Variants in MYO19 observed in about 807,000 individuals in gnomAD.
MYO19 encodes the protein unconventional myosin-XIX.
In MYO19, 132 loss-of-function variants were observed where a neutral mutation model predicts 129.2. That is an observed-to-expected ratio of 1.02 (90% CI 0.89 to 1.18). The LOEUF (loss-of-function observed/expected upper bound fraction) is 1.18. Ranked by LOEUF, MYO19 falls within the 50% of genes most tolerant of loss-of-function variation. The probability of loss-of-function intolerance (pLI) is 0.00; values close to 1 mark genes in which losing one functional copy is unlikely to be tolerated. For synonymous variants in MYO19, 531 were observed against 477.2 expected, an observed-to-expected ratio of 1.11 and a Z score of -1.47; for missense variants, 1,210 against 1,216.7, an observed-to-expected ratio of 0.99 and a Z score of 0.08.
chr17:36,527,519 C>A, intron 5 of MYO19, 32 bp downstream of exon 5: 2 of 1,604,986 alleles, frequency 1.2e-6, no homozygotes. Flanking sequence ...GGTAGAGGAG[C>A]CCTGAGGCCA....
intron 21 of MYO19, 75 bp downstream of exon 21, chr17:36,503,022 C>T (rs969482316): frequency 1.6e-6 from 2 of 1,288,866 alleles, no homozygotes. Context: ...CAGCCCCTAG[C>T]CCTAAGACAG....
chr17:36,544,257 G>A (rs772176668), upstream of MYO19, among the ~76,000 whole-genome samples: 1 of 152,158 alleles, frequency 6.6e-6, no homozygotes, highest in Non-Finnish European at 1.5e-5. Context: ...CCAGTGTAAC[G>A]ACAACCACAA....
intron 6 of MYO19, among the ~76,000 whole-genome samples, chr17:36,517,405 G>A (rs147074224): frequency 2.0e-5 from 3 of 152,146 alleles, no homozygotes; most frequent in East Asian, 3.9e-4. Flanking sequence ...GACTACAGGC[G>A]CTCGCCACCA....
chr17:36,540,644 A>G (rs960216989), intron 2 of MYO19, among the ~76,000 whole-genome samples: 2 of 152,042 alleles, frequency 1.3e-5, no homozygotes, highest in African/African-American at 2.4e-5. Flanking sequence ...GTGCTGGGAT[A>G]TAGGCATGAG....
At chr17:36,530,623 A>ATT (rs71159612) in intron 3 of MYO19, among the ~76,000 whole-genome samples, 171 of 79,054 alleles carry the variant, frequency 2.2e-3, no homozygotes, top group Admixed American at 4.7e-3. Context: ...TGGCTTTTGT[A>ATT]TTTTTTTTTT....
In MYO19 at chr17:36,503,078, A is replaced by C. The variant is rs1246016206; in HGVS notation, c.2080+19T>G. On this transcript the variant is annotated intron_variant, in intron 21 of 25. Transcript: ENST00000614623. ...TAAACTGTGGTTGCACAAATGACTA[A>C]CTCATGGGTCCCACTCACCAGGGAG... 6.3e-7 allele frequency: 1 copy of C among 1,599,932 alleles called. No homozygotes were observed. Among genetic ancestry groups the C allele is most frequent in the Non-Finnish European group, 8.6e-7 (1 of 1,167,312 alleles).
At chr17:36,521,357 G>C (rs1033543985) in intron 6 of MYO19, among the ~76,000 whole-genome samples, 4 of 152,030 alleles carry the variant, frequency 2.6e-5, no homozygotes, top group Admixed American at 1.3e-4. Flanking sequence ...AAAAAAACTA[G>C]AATGTAGAAT....
Position 36,507,411 on chromosome 17 carries a change from G to A in MYO19, c.1455C>T (p.Ser485=), listed in dbSNP as rs746961327. 6.2e-7 allele frequency: 1 copy of A among 1,613,442 alleles called. No homozygotes were observed. The highest frequency in any genetic ancestry group is 8.5e-7 in the Non-Finnish European group (1 of 1,179,822). The change falls in exon 16 of 26, where the codon TCC becomes TCT. Residue 485 remains serine, a synonymous_variant. Transcript: ENST00000614623. ...LIEGSPISIC[S]LINEECRLNR... ...CTGACCTCCCCACCTCATTTATGAG[G>A]GAGCAGATGCTGATGGGGCTTCCCT...
At chr17:36,537,632 G>A (rs2074160563), upstream of MYO19, 1 of 1,614,138 alleles carries the variant, frequency 6.2e-7, no homozygotes, top group Non-Finnish European at 8.5e-7. Context: ...TTGTTTTTGG[G>A]TCTGCAATGG....
At chr17:36,501,362 T>C (rs1226528154) in intron 21 of MYO19, 127 bp from the exon 22 acceptor site, 1 of 979,214 alleles carries the variant, frequency 1.0e-6, no homozygotes, top group Non-Finnish European at 1.5e-6. Context: ...CTCTAGCCAT[T>C]TTCTCCTTGT....
In MYO19 at chr17:36,515,141, C is replaced by G; in HGVS notation, c.589G>C (p.Gly197Arg). 6.2e-7 allele frequency: 1 copy of G among 1,612,032 alleles called. No individual in the cohort carries two copies. Reference protein sequence around the residue: ...TLRNNNSSRFGKFIQLQLNRA... With the variant: ...TLRNNNSSRFRKFIQLQLNRA... The stretch of plus-strand genomic sequence containing the variant: ...TTCAGCTGGAGCTGGATGAACTTCC[C>G]AAAGCGACTGCTGTTGTTATTCCTC... Residue 197 changes from glycine to arginine, a missense_variant, in exon 8 of 26, where the codon GGG (glycine) becomes CGG (arginine). Gly to Arg is a moderately radical substitution (Grantham distance 125). Transcript: ENST00000614623.
At chr17:36,529,853 A>C (rs1269159716) in intron 3 of MYO19, among the ~76,000 whole-genome samples, 3 of 152,158 alleles carry the variant, frequency 2.0e-5, no homozygotes, top group African/African-American at 4.8e-5. Flanking sequence ...TCCTGACTCT[A>C]TCTCTTACAG....
In MYO19 at chr17:36,525,247, C is replaced by G; in HGVS notation, c.395G>C (p.Gly132Ala). ...TCCTACCTTTCCAGCACCACTCTCT[C>G]CACTGACAACAATAGACTGGTTGAC... ...EPVNQSIVVSGESGAGKTWTS... is the reference protein window; with the variant it reads ...EPVNQSIVVSAESGAGKTWTS... The change falls in exon 6 of 26, where the codon GGA becomes GCA. Residue 132 changes from glycine (G) to alanine (A), a missense_variant. Transcript: ENST00000614623. The G allele has an allele frequency of 1.9e-6, 3 of 1,613,700 alleles. No individual in the cohort carries two copies. Among genetic ancestry groups the G allele is most frequent in the Non-Finnish European group, 2.5e-6 (3 of 1,179,636 alleles).
At chr17:36,506,780 T>C in intron 17 of MYO19, 172 bp from the exon 18 acceptor site, 3 of 1,079,976 alleles carry the variant, frequency 2.8e-6, no homozygotes, top group South Asian at 3.6e-5. Flanking sequence ...ACATGGGTTA[T>C]CTCCAGGCAG....
At chr17:36,499,979 C>A (rs1322772777) in intron 23 of MYO19, 1 of 151,928 alleles carries the variant, frequency 6.6e-6, no homozygotes, top group African/African-American at 2.4e-5. Context: ...CTGCCTCAGC[C>A]TCCTGAGTAG....
chr17:36,520,863 A>T (rs537180245), intron 6 of MYO19, among the ~76,000 whole-genome samples: 1 of 152,326 alleles, frequency 6.6e-6, no homozygotes, highest in South Asian at 2.1e-4. Flanking sequence ...GCAGATTTTC[A>T]ATTGCGTGGG....
chr17:36,507,766 A>T, intron 15 of MYO19, 37 bp downstream of exon 15: 3 of 1,555,716 alleles, frequency 1.9e-6, no homozygotes, highest in Non-Finnish European at 2.6e-6. Context: ...TGAGGATCCA[A>T]AAGAAGGACC....
At chr17:36,509,386 G>A (rs2072159031) in intron 13 of MYO19, 1 of 563,074 alleles carries the variant, frequency 1.8e-6, no homozygotes, top group Non-Finnish European at 3.2e-6. Context: ...ACTGAGCACA[G>A]GACAAGCTCA....
At chr17:36,512,464 G>T (rs1328733245) in intron 11 of MYO19, among the ~76,000 whole-genome samples, 1 of 151,570 alleles carries the variant, frequency 6.6e-6, no homozygotes, top group African/African-American at 2.4e-5. Flanking sequence ...TTCCTATATG[G>T]TCCCAGGCAG....
Sources: allele counts gnomAD v4.1 joint callset (sites outside exome capture counted in the v4.1 genomes callset), GRCh38; gene constraint gnomAD v4.1.1; transcripts MANE v1.5; gene names NCBI Gene and HGNC (gene_info 2026-07-23, HGNC 2026-07-21).